Variants in LRRC20 observed in about 807,000 individuals in gnomAD.
LRRC20 encodes the protein leucine rich repeat containing 20, also known as leucine-rich repeat-containing protein 20.
LRRC20 carries 11 observed loss-of-function variants against 14.4 expected under a neutral mutation model. That is an observed-to-expected ratio of 0.77 (90% confidence interval 0.48 to 1.27). The LOEUF (loss-of-function observed/expected upper bound fraction) is 1.27, where lower values mean the gene tolerates loss of function less well. Ranked by LOEUF, LRRC20 falls within the 50% of genes most tolerant of loss-of-function variation. The pLI is 0.00. For missense variants in LRRC20, 219 were observed against 251.2 expected (o/e 0.87, Z 0.87); for synonymous variants, 121 against 107.3 (o/e 1.13, Z -0.79).
chr10:70,303,372 T>C (rs1316915705), intron 4 of LRRC20, among the ~76,000 whole-genome samples: 1 of 152,164 alleles, frequency 6.6e-6, no homozygotes, highest in East Asian at 1.9e-4. Flanking sequence ...TTATCAGGAC[T>C]CCTGATAATG....
Position 70,325,751 on chromosome 10 carries a change from C to A in LRRC20, c.233-1721G>T, listed in dbSNP as rs1158707790. ...CAGCTGTCAGGCCTGAGGGTGGTTG[C>A]GTGGGTGCCCTGCACTGTGGACGGG... is the stretch of plus-strand genomic sequence containing the variant. On this transcript the variant is annotated intron_variant, in intron 3 of 4. Coordinates refer to ENST00000446961, the MANE Select transcript of LRRC20 (RefSeq NM_001278212.2). 3.3e-5 allele frequency among the ~76,000 whole-genome samples: 5 copies of A among 152,314 alleles called. No individual in the cohort carries two copies. In the East Asian group the frequency reaches 7.7e-4, roughly 24 times the overall value.
chr10:70,304,065 A>G (rs1036121948), intron 4 of LRRC20, among the ~76,000 whole-genome samples: 5 of 152,132 alleles, frequency 3.3e-5, no homozygotes, highest in African/African-American at 4.8e-5. Context: ...CAGCAGCTAT[A>G]CTAACACTTG....
chr10:70,362,085 T>C (rs1034119601), intron 2 of LRRC20, among the ~76,000 whole-genome samples: 1 of 152,208 alleles, frequency 6.6e-6, no homozygotes, highest in African/African-American at 2.4e-5. Context: ...CTCAGGAGAC[T>C]GAAGCACGAG....
chr10:70,302,364 A>C (rs556444789), intron 4 of LRRC20, among the ~76,000 whole-genome samples: 1 of 152,308 alleles, frequency 6.6e-6, no homozygotes, highest in South Asian at 2.1e-4. Flanking sequence ...GCACAAAAAG[A>C]CAAATACCGT....
At chr10:70,341,043 T>A (rs1471322040) in intron 2 of LRRC20, among the ~76,000 whole-genome samples, 6 of 152,206 alleles carry the variant, frequency 3.9e-5, no homozygotes, top group Admixed American at 2.0e-4. Flanking sequence ...ACAAGTCCCT[T>A]TAGAATCATC....
chr10:70,323,989 C>A lies in LRRC20; in HGVS notation c.274G>T (p.Glu92Ter), dbSNP rs200710168. The A allele has an allele frequency of 1.2e-6, 2 of 1,613,696 alleles. No homozygotes were observed. The highest frequency in any genetic ancestry group is 8.5e-7 in the Non-Finnish European group (1 of 1,179,618). ...TTGAGGTGCTGCAGGGCACTGACCT[C>A]GCTGGGGAGGCGGTGTAGGAAGTTC... is the stretch of plus-strand genomic sequence containing the variant. ...EGNFLHRLPS[E>*]VSALQHLKAI... is the part of the protein sequence containing the mutation. Residue 92 changes from glutamate (E) to a stop codon, truncating the protein, a stop_gained, in exon 4 of 5, where the codon GAG becomes TAG. Coordinates refer to ENST00000446961, the MANE Select transcript of LRRC20 (RefSeq NM_001278212.2). LOFTEE classifies it high-confidence loss of function.
chr10:70,303,221 C>T (rs1368918963), intron 4 of LRRC20, among the ~76,000 whole-genome samples: 1 of 152,174 alleles, frequency 6.6e-6, no homozygotes, highest in Non-Finnish European at 1.5e-5. Context: ...AAGTCGCATA[C>T]AGTGGCCTAT....
In LRRC20 at chr10:70,379,110, C is replaced by T. The variant is rs554929500; in HGVS notation, c.-63-2514G>A. ...GATCAACAGACATCATTTGTGTTTC[C>T]AATCTGAATACAGGTCAAGAGACTC... On this transcript the variant is annotated intron_variant, in intron 1 of 4. Coordinates refer to ENST00000446961, the MANE Select transcript of LRRC20 (RefSeq NM_001278212.2). Among the ~76,000 whole-genome samples, 26 of 152,242 alleles carry T rather than the reference C, an allele frequency of 1.7e-4. No homozygotes were observed. The South Asian group carries it at 5.2e-3, about 30-fold the overall frequency.
At chr10:70,316,612 C>T (rs1282423180) in intron 4 of LRRC20, among the ~76,000 whole-genome samples, 6 of 152,210 alleles carry the variant, frequency 3.9e-5, no homozygotes, top group South Asian at 4.1e-4. Flanking sequence ...TTGCTACTTC[C>T]CTGCAGGTGG....
chr10:70,376,959 A>G (rs1181748791), intron 1 of LRRC20, among the ~76,000 whole-genome samples: 1 of 152,224 alleles, frequency 6.6e-6, no homozygotes, highest in Non-Finnish European at 1.5e-5. Context: ...GGTAGGGCGC[A>G]GCCAACTGCA....
chr10:70,360,112 C>T (rs899594853), intron 2 of LRRC20, among the ~76,000 whole-genome samples: 1 of 152,088 alleles, frequency 6.6e-6, no homozygotes, highest in African/African-American at 2.4e-5. Context: ...GACGGGGTTT[C>T]ACCATCTTGG....
chr10:70,346,949 G>C (rs895298096), intron 2 of LRRC20, among the ~76,000 whole-genome samples: 4 of 152,142 alleles, frequency 2.6e-5, no homozygotes, highest in Non-Finnish European at 5.9e-5. Context: ...GCAGTGGCGT[G>C]ATCTCGGCTC....
intron 2 of LRRC20, among the ~76,000 whole-genome samples, chr10:70,375,046 G>A (rs1014032683): frequency 1.3e-5 from 2 of 152,074 alleles, no homozygotes; most frequent in Non-Finnish European, 2.9e-5. Flanking sequence ...GTGACTCAAA[G>A]CCTAGCTCTG....
At chr10:70,376,419 A>G in intron 2 of LRRC20, 33 bp downstream of exon 2, 4 of 1,606,830 alleles carry the variant, frequency 2.5e-6, no homozygotes, top group African/African-American at 1.3e-5. Flanking sequence ...AACTGCTTCC[A>G]GGGAAGTTGG....
At chr10:70,320,296 G>GAGATAGAT (rs10555469) in intron 4 of LRRC20, among the ~76,000 whole-genome samples, 16,318 of 148,308 alleles carry the variant, frequency 0.11, 1,037 homozygotes, top group Non-Finnish European at 0.12. Context: ...CATGTCCCAG[G>GAGATAGAT]AGATAGATAG....
intron 2 of LRRC20, among the ~76,000 whole-genome samples, chr10:70,363,780 A>G (rs1843849871): frequency 6.6e-6 from 1 of 152,188 alleles, no homozygotes; most frequent in Non-Finnish European, 1.5e-5. Flanking sequence ...GCCTCCCAGG[A>G]GCCCCAATCC....
At chr10:70,312,999 C>T (rs981899575) in intron 4 of LRRC20, among the ~76,000 whole-genome samples, 2 of 152,216 alleles carry the variant, frequency 1.3e-5, no homozygotes, top group Non-Finnish European at 2.9e-5. Context: ...CCCAGGTTGG[C>T]CAGCAAGGGT....
At chr10:70,363,033 G>A (rs1843807671) in intron 2 of LRRC20, among the ~76,000 whole-genome samples, 1 of 151,864 alleles carries the variant, frequency 6.6e-6, no homozygotes, top group East Asian at 1.9e-4. Context: ...GATTTCGGGA[G>A]GCTGAGATGG....
chr10:70,325,846 T>C (rs1367860811), intron 3 of LRRC20, among the ~76,000 whole-genome samples: 1 of 152,244 alleles, frequency 6.6e-6, no homozygotes, highest in Non-Finnish European at 1.5e-5. Flanking sequence ...GGTTTGAGTT[T>C]GTCCTTCTGG....
Sources: gnomAD v4.1 joint callset for allele counts (sites outside exome capture counted in the v4.1 genomes callset) on GRCh38, gnomAD v4.1.1 for gene constraint, MANE v1.5 for transcripts, NCBI Gene and HGNC (gene_info 2026-07-23, HGNC 2026-07-21) for gene names.